The following ETFBKMT variants were observed in gnomAD, a reference collection of about 807,000 sequenced individuals.
ETFBKMT encodes the protein electron transfer flavoprotein beta subunit lysine methyltransferase.
In ETFBKMT, 13 loss-of-function variants were observed where a neutral mutation model predicts 18.3. The observed-to-expected ratio is 0.71, with a 90% CI of 0.46 to 1.13. The LOEUF (loss-of-function observed/expected upper bound fraction) is 1.13, where lower values mean the gene tolerates loss of function less well. Among genes scored for constraint, ETFBKMT ranks in the 50% most tolerant of loss-of-function variants. The pLI, the probability that ETFBKMT is intolerant of heterozygous loss-of-function variation, is 0.00. For synonymous variants in ETFBKMT, 84 were observed against 107.9 expected, an observed-to-expected ratio of 0.78 and a Z score of 1.37; for missense variants, 293 against 306.2, an observed-to-expected ratio of 0.96 and a Z score of 0.32.
upstream of ETFBKMT, among the ~76,000 whole-genome samples, chr12:31,658,210 C>G (rs1951078609): frequency 6.6e-6 from 1 of 152,180 alleles, no homozygotes; most frequent in Non-Finnish European, 1.5e-5. Context: ...TCAAGGTTCA[C>G]TGCTAGCAGG....
rs778692281 is a variant in ETFBKMT, at chr12:31,672,421, ATGT to A, written c.*4433_*4435del. On this transcript the variant is annotated 3_prime_UTR_variant, in exon 4 of 4. Coordinates refer to ENST00000357721, the MANE Select transcript of ETFBKMT (RefSeq NM_001135863.2). ...ACAATATATTAATTGACAATAAAAA[ATGT>A]TTAATGTTTCCTCATGTCTAACTGG... 301 of 1,337,342 alleles carry A rather than the reference ATGT, an allele frequency of 2.3e-4. 1 individual carries two copies. The highest frequency in any genetic ancestry group is 2.9e-4 in the Non-Finnish European group (279 of 952,810). The allele number at this position is 1,337,342 out of a possible 1,614,324, so 82.8% of individuals were successfully genotyped here.
intron 1 of ETFBKMT, among the ~76,000 whole-genome samples, chr12:31,650,533 C>A (rs1267223148): frequency 1.3e-5 from 2 of 151,626 alleles, no homozygotes; most frequent in East Asian, 1.9e-4. Context: ...TTCTTTCTTG[C>A]GTGAGATCCA....
chr12:31,662,425 T>G (rs1437408989), intron 2 of ETFBKMT, among the ~76,000 whole-genome samples, 158 bp downstream of exon 2: 5 of 152,062 alleles, frequency 3.3e-5, no homozygotes. Flanking sequence ...ATCCTGCCAC[T>G]GCACTCTCGC....
At position 31,672,035 on chromosome 12, in the gene ETFBKMT, C is replaced by T. The variant is rs1441099622; in HGVS notation, c.*4045C>T. ...TTATTTAAGAAACAGAATCCAACAC[C>T]ATAGATCAGAGTTCATGCTAGGATT... On this transcript the variant is annotated 3_prime_UTR_variant, in exon 4 of 4. Coordinates refer to ENST00000357721, the MANE Select transcript of ETFBKMT (RefSeq NM_001135863.2). The T allele has an allele frequency of 3.1e-6, 1 of 317,858 alleles. No individual in the cohort carries two copies. The highest frequency in any genetic ancestry group is 5.8e-6 in the Non-Finnish European group (1 of 173,012). 19.7% of individuals were successfully genotyped at this position (317,858 alleles called of 1,614,324 possible). A position where few individuals can be genotyped will look rare whatever the true frequency, so the allele number is the denominator to read the frequency against.
At position 31,662,098 on chromosome 12, in the gene ETFBKMT, G is replaced by A; in HGVS notation, c.145G>A (p.Ala49Thr). ...AGSFLDPEIK[A>T]FLEENTEVTS... is the part of the protein sequence containing the mutation. ...AAGCTTTTTGGACCCTGAGATAAAG[G>A]CTTTCCTGGAGGAGAACACTGAAGT... Residue 49 changes from alanine to threonine, a missense_variant, in exon 2 of 4, where the codon GCT becomes ACT. Coordinates refer to ENST00000357721, the MANE Select transcript of ETFBKMT (RefSeq NM_001135863.2). 6.2e-7 allele frequency: 1 copy of A among 1,614,186 alleles called. No homozygotes were observed. The highest frequency in any genetic ancestry group is 8.5e-7 in the Non-Finnish European group (1 of 1,180,028).
intron 1 of ETFBKMT, among the ~76,000 whole-genome samples, chr12:31,648,788 C>G (rs1284567353): frequency 6.6e-6 from 1 of 151,840 alleles, no homozygotes; most frequent in Non-Finnish European, 1.5e-5. Context: ...GTCTCGATCT[C>G]CTGACCTTGT....
At chr12:31,647,362 G>C (rs992553808) in intron 1 of ETFBKMT, 3 of 152,142 alleles carry the variant, frequency 2.0e-5, no homozygotes, top group African/African-American at 7.2e-5. Flanking sequence ...TCATTACCGA[G>C]TCTACGTCCT....
At chr12:31,647,746 G>T (rs145138783) in intron 1 of ETFBKMT, among the ~76,000 whole-genome samples, 17 of 152,020 alleles carry the variant, frequency 1.1e-4, no homozygotes, top group African/African-American at 4.1e-4. Flanking sequence ...GGAGAATCAC[G>T]TGAACCCGGG....
intron 1 of ETFBKMT, among the ~76,000 whole-genome samples, chr12:31,649,152 G>A (rs975952377): frequency 4.6e-5 from 7 of 152,052 alleles, no homozygotes; most frequent in South Asian, 2.1e-4. Flanking sequence ...GGGTTTCACC[G>A]TGTTGCCCAG....
In ETFBKMT at chr12:31,672,520, T is replaced by C; in HGVS notation, c.*4530T>C. ...TGATCTATAAAGCACAATATACAACTAACTCACTAATAATTAATTAATGGT... is the reference window on the plus strand; with the variant it reads ...TGATCTATAAAGCACAATATACAACCAACTCACTAATAATTAATTAATGGT... On this transcript the variant is annotated 3_prime_UTR_variant, in exon 4 of 4. Coordinates refer to ENST00000357721, the MANE Select transcript of ETFBKMT (RefSeq NM_001135863.2). 2 of 603,556 alleles carry C rather than the reference T, an allele frequency of 3.3e-6. No individual in the cohort carries two copies. The highest frequency in any genetic ancestry group is 5.9e-6 in the Non-Finnish European group (2 of 339,046). 37.4% of individuals were successfully genotyped at this position (603,556 alleles called of 1,614,324 possible).
At chr12:31,664,851 G>T (rs1313666168) in intron 2 of ETFBKMT, among the ~76,000 whole-genome samples, 3 of 151,424 alleles carry the variant, frequency 2.0e-5, no homozygotes, top group Non-Finnish European at 4.4e-5. Context: ...CTGACCTCAG[G>T]TGATCCACCC....
chr12:31,667,630 C>CTT lies in ETFBKMT; in HGVS notation c.446-5_446-4dup, dbSNP rs200203445. On this transcript the variant is annotated splice_polypyrimidine_tract_variant and intron_variant, in intron 3 of 3. Coordinates refer to ENST00000357721, the MANE Select transcript of ETFBKMT (RefSeq NM_001135863.2). ...CTAGCATATACCAATTCATTTTGTG[C>CTT]TTTTTTTTTTTTTAAGTTGCAGGAA... 1,219 of 1,377,224 alleles carry CTT rather than the reference C, an allele frequency of 8.9e-4. No individual in the cohort carries two copies. Among genetic ancestry groups the CTT allele is most frequent in the Non-Finnish European group, 1.0e-3 (1,040 of 1,000,422 alleles). 85.3% of individuals were successfully genotyped at this position (1,377,224 alleles called of 1,614,324 possible). A position where few individuals can be genotyped will look rare whatever the true frequency, so the allele number is the denominator to read the frequency against.
chr12:31,654,000 A>G (rs1202314783), intron 1 of ETFBKMT, among the ~76,000 whole-genome samples: 1 of 152,174 alleles, frequency 6.6e-6, no homozygotes, highest in East Asian at 1.9e-4. Context: ...ATGTGGAGCA[A>G]TTGGAGATCT....
intron 1 of ETFBKMT, among the ~76,000 whole-genome samples, chr12:31,650,896 G>A (rs1201993391): frequency 1.3e-5 from 2 of 152,090 alleles, no homozygotes; most frequent in East Asian, 3.9e-4. Context: ...GGAAGAAAGA[G>A]GCTGACACAT....
upstream of ETFBKMT, among the ~76,000 whole-genome samples, chr12:31,657,583 A>G (rs189107722): frequency 3.3e-4 from 50 of 152,144 alleles, no homozygotes; most frequent in African/African-American, 1.2e-3. Context: ...CACGAGGTCA[A>G]AAGTTGGGCA....
chr12:31,664,616 C>CTTTTTTTTTTTT (rs59300091), intron 2 of ETFBKMT, among the ~76,000 whole-genome samples: 3 of 133,022 alleles, frequency 2.3e-5, no homozygotes, highest in South Asian at 2.4e-4. Context: ...CTTTTTCTTT[C>CTTTTTTTTTTTT]TTTTTTTTTT....
At chr12:31,654,292 C>G (rs1951041982), upstream of ETFBKMT, among the ~76,000 whole-genome samples, 2 of 152,186 alleles carry the variant, frequency 1.3e-5, no homozygotes, top group Non-Finnish European at 2.9e-5. Context: ...TCAGGTGATC[C>G]TCCCACCTTG....
chr12:31,654,058 T>G (rs1183499476), intron 1 of ETFBKMT, among the ~76,000 whole-genome samples: 1 of 152,212 alleles, frequency 6.6e-6, no homozygotes, highest in African/African-American at 2.4e-5. Context: ...TTTTGTTTTA[T>G]TTTATTTCTG....
At chr12:31,657,551 T>C (rs1951072466), upstream of ETFBKMT, among the ~76,000 whole-genome samples, 1 of 152,118 alleles carries the variant, frequency 6.6e-6, no homozygotes, top group East Asian at 1.9e-4. Context: ...CCCAACACTT[T>C]GGGAGGCCGA....
Sources: gnomAD v4.1 joint callset for allele counts (sites outside exome capture counted in the v4.1 genomes callset) on GRCh38, gnomAD v4.1.1 for gene constraint, MANE v1.5 for transcripts, NCBI Gene and HGNC (gene_info 2026-07-23, HGNC 2026-07-21) for gene names.